MYO7B: variants seen among roughly 807,000 people sequenced by gnomAD.
The protein encoded by MYO7B is myosin VIIB, also known as unconventional myosin-VIIb.
A neutral mutation model predicts 259.7 loss-of-function variants in MYO7B; 212 were observed. The observed-to-expected ratio is 0.82, with a 90% CI of 0.73 to 0.91. The LOEUF (loss-of-function observed/expected upper bound fraction) is 0.91. Among genes scored for constraint, MYO7B ranks in the 40% least tolerant of loss-of-function variants. MYO7B has a pLI of 0.00. For synonymous variants in MYO7B, 1,197 were observed against 1,166.4 expected (o/e 1.03, Z -0.54); for missense variants, 2,732 against 2,813.5 (o/e 0.97, Z 0.66).
intron 21 of MYO7B, 24 bp from the exon 22 acceptor site, chr2:127,608,684 A>G (rs777327277): frequency 1.9e-6 from 3 of 1,597,780 alleles, no homozygotes; most frequent in East Asian, 2.2e-5. Context: ...GCCCCTGGGT[A>G]ACCTTCCTCC....
Position 127,584,260 on chromosome 2 carries a change from C to T in MYO7B, c.1482C>T (p.Pro494=), listed in dbSNP as rs537631327. 209 of 1,614,034 alleles carry T rather than the reference C, an allele frequency of 1.3e-4. 3 individuals carry two copies. In the South Asian group the frequency reaches 2.2e-3, roughly 17 times the overall value. Residue 494 remains proline (P), a synonymous_variant, in exon 13 of 48, where the codon CCC becomes CCT. Coordinates refer to ENST00000409816, the MANE Select transcript of MYO7B (RefSeq NM_001393586.1). The surrounding 1 kb of genome is among the most constrained non-coding windows in gnomAD (Gnocchi z 5.8). The part of the protein sequence containing the change: ...WDYIHYTDNR[P]TLDLLALKPM... ...ATATCCACTACACCGACAATCGGCC[C>T]ACCCTGGACCTGCTGGCCCTCAAGC...
intron 21 of MYO7B, 58 bp from the exon 22 acceptor site, chr2:127,608,650 G>T: frequency 6.4e-7 from 1 of 1,551,882 alleles, no homozygotes; most frequent in Non-Finnish European, 8.7e-7. Context: ...GGTAGGCAGG[G>T]CTGGGCCCCC....
intron 40 of MYO7B, among the ~76,000 whole-genome samples, chr2:127,633,587 G>A (rs370565367): frequency 3.3e-5 from 5 of 152,174 alleles, no homozygotes; most frequent in African/African-American, 1.2e-4. Flanking sequence ...GGGGATCCAG[G>A]CCCAGGACAC....
At position 127,581,820 on chromosome 2, in the gene MYO7B, C is replaced by T. The variant is rs1679112089; in HGVS notation, c.1081-71C>T. ...GGTCACGAGAGGGAACAAGACTTGG[C>T]AGAAGCAGGTCAGAGTGCTGGGCCA... On this transcript the variant is annotated intron_variant, in intron 10 of 47. Coordinates refer to ENST00000409816, the MANE Select transcript of MYO7B (RefSeq NM_001393586.1). 6.3e-6 allele frequency: 10 copies of T among 1,596,320 alleles called. No individual in the cohort carries two copies. In the South Asian group the frequency reaches 1.0e-4, roughly 16 times the overall value.
chr2:127,636,040 C>G lies in MYO7B; in HGVS notation c.6006+133C>G. The stretch of plus-strand genomic sequence containing the variant: ...TGGTGTGGAGGGTGGGCTGGCTCTG[C>G]ACACACCACGCCTTCCTATGCCATC... On this transcript the variant is annotated intron_variant, in intron 44 of 47. Coordinates refer to ENST00000409816, the MANE Select transcript of MYO7B (RefSeq NM_001393586.1). The surrounding 1 kb of genome is among the most constrained non-coding windows in gnomAD (Gnocchi z 4.5). The G allele has an allele frequency of 8.4e-7, 1 of 1,185,528 alleles. No individual in the cohort carries two copies. The highest frequency in any genetic ancestry group is 1.2e-6 in the Non-Finnish European group (1 of 845,698). 73.4% of individuals were successfully genotyped at this position (1,185,528 alleles called of 1,614,324 possible).
chr2:127,611,472 T>C lies in MYO7B; in HGVS notation c.3193-778T>C, dbSNP rs1055524585. ...CAGATCTCAGGTTTTCTGTCCTGCA[T>C]GTGTTTATTAAATATCCATGACGTG... On this transcript the variant is annotated intron_variant, in intron 24 of 47. Coordinates refer to ENST00000409816, the MANE Select transcript of MYO7B (RefSeq NM_001393586.1). This position sits in a 1 kb window ranked among gnomAD's most constrained non-coding sequence, Gnocchi z 5.4. Among the ~76,000 whole-genome samples, 3 of 152,154 alleles carry C rather than the reference T, an allele frequency of 2.0e-5. No individual in the cohort carries two copies. Among genetic ancestry groups the C allele is most frequent in the African/African-American group, 7.2e-5 (3 of 41,442 alleles).
chr2:127,593,713 G>A (rs1211921715), intron 18 of MYO7B, 69 bp downstream of exon 18: 6 of 1,428,136 alleles, frequency 4.2e-6, no homozygotes, highest in Non-Finnish European at 3.9e-6. Context: ...TCTTGCACCA[G>A]GCCCGGGGTC....
chr2:127,592,194 G>A (rs531180902), intron 16 of MYO7B, among the ~76,000 whole-genome samples: 1 of 152,278 alleles, frequency 6.6e-6, no homozygotes, highest in South Asian at 2.1e-4. Context: ...AGGAGTTGGA[G>A]ACCAGCCTGG....
intron 5 of MYO7B, among the ~76,000 whole-genome samples, chr2:127,568,634 C>T (rs1472813209): frequency 6.6e-6 from 1 of 152,160 alleles, no homozygotes; most frequent in African/African-American, 2.4e-5. Flanking sequence ...CGGTAGCTCA[C>T]GCTTGTAATC....
At position 127,615,661 on chromosome 2, in the gene MYO7B, C is replaced by T. The variant is rs1405683094; in HGVS notation, c.3398+3058C>T. Among the ~76,000 whole-genome samples the T allele has an allele frequency of 2.0e-5, 3 of 151,918 alleles. No individual in the cohort carries two copies. The highest frequency in any genetic ancestry group is 2.1e-4 in the South Asian group (1 of 4,810). ...CAGCATTCCTTCTGGGCGGTAGACG[C>T]GGTTTGTCAGTTGGCCAACATTCTG... On this transcript the variant is annotated intron_variant, in intron 26 of 47. Coordinates refer to ENST00000409816, the MANE Select transcript of MYO7B (RefSeq NM_001393586.1). The surrounding 1 kb of genome is among the most constrained non-coding windows in gnomAD (Gnocchi z 4.4).
chr2:127,623,579 G>A (rs10174611), intron 29 of MYO7B, among the ~76,000 whole-genome samples: 50,438 of 151,948 alleles, frequency 0.33, 8,833 homozygotes, highest in South Asian at 0.55. Flanking sequence ...GCACTCATAT[G>A]GTCACCTTGC....
chr2:127,621,346 C>T (rs1445916377), intron 27 of MYO7B, among the ~76,000 whole-genome samples: 2 of 151,162 alleles, frequency 1.3e-5, no homozygotes, highest in African/African-American at 4.9e-5. Flanking sequence ...TCACTGCATC[C>T]TCTGCCTCCC....
At chr2:127,587,243 G>A (rs1679337992) in intron 14 of MYO7B, among the ~76,000 whole-genome samples, 1 of 152,202 alleles carries the variant, frequency 6.6e-6, no homozygotes, top group Non-Finnish European at 1.5e-5. Flanking sequence ...CCTTCTCAGT[G>A]TGGTTCTGTC....
In MYO7B at chr2:127,635,126, C is replaced by T. The variant is rs1376318947; in HGVS notation, c.5720C>T (p.Pro1907Leu). The change falls in exon 43 of 48, where the codon CCC (proline) becomes CTC (leucine). Residue 1907 changes from proline (P) to leucine (L), a missense_variant. By Grantham distance (98) the Pro-to-Leu change is moderately conservative. This residue lies in a region of MYO7B where 821 missense variants were observed against 769.3 expected (regional missense o/e 1.07). Coordinates refer to ENST00000409816, the MANE Select transcript of MYO7B (RefSeq NM_001393586.1). ...ACTGCTGGCCCTCGCCCAGGGGCCC[C>T]CGTGACGCTCCCCTACCAGGTGTAC... Reference protein sequence around the residue: ...KKNKPQKEGAPVTLPYQVYFM... With the variant: ...KKNKPQKEGALVTLPYQVYFM... 7 of 1,612,140 alleles carry T rather than the reference C, an allele frequency of 4.3e-6. No individual in the cohort carries two copies. Among genetic ancestry groups the T allele is most frequent in the Non-Finnish European group, 5.9e-6 (7 of 1,179,288 alleles).
chr2:127,555,411 G>A (rs977111926), intron 1 of MYO7B, among the ~76,000 whole-genome samples: 1 of 151,982 alleles, frequency 6.6e-6, no homozygotes, highest in Non-Finnish European at 1.5e-5. Context: ...TCTGATCTTG[G>A]TTATTTCCTT....
At chr2:127,588,916 G>C (rs1573659611) in intron 15 of MYO7B, among the ~76,000 whole-genome samples, 3 of 150,030 alleles carry the variant, frequency 2.0e-5, no homozygotes, top group African/African-American at 7.4e-5. Flanking sequence ...TGGATGGATG[G>C]GTGAGTGGAT....
chr2:127,559,594 C>A lies in MYO7B; in HGVS notation c.-23-106C>A. 1 of 1,006,290 alleles carries A rather than the reference C, an allele frequency of 9.9e-7. No individual in the cohort carries two copies. The highest frequency in any genetic ancestry group is 1.6e-6 in the Non-Finnish European group (1 of 634,004). 62.3% of individuals were successfully genotyped at this position (1,006,290 alleles called of 1,614,324 possible). A position where few individuals can be genotyped will look rare whatever the true frequency, so the allele number is the denominator to read the frequency against. ...CATTGTTTTTGAGCCAGGTCCCATG[C>A]CGGGCACTTAGGGAAGTGTTGGTGA... On this transcript the variant is annotated intron_variant, in intron 1 of 47. Coordinates refer to ENST00000409816, the MANE Select transcript of MYO7B (RefSeq NM_001393586.1). The surrounding 1 kb of genome is among the most constrained non-coding windows in gnomAD (Gnocchi z 4.1).
At chr2:127,622,268 G>T (rs1680875685) in intron 28 of MYO7B, among the ~76,000 whole-genome samples, 167 bp downstream of exon 28, 1 of 152,110 alleles carries the variant, frequency 6.6e-6, no homozygotes, top group Non-Finnish European at 1.5e-5. Flanking sequence ...GAGTGCCCCT[G>T]GGGCTCGGCC....
chr2:127,597,427 C>G lies in MYO7B; in HGVS notation c.2339+871C>G, dbSNP rs954015995. ...CTTCTGCGGCCTTGTTTAGCCACGCCCCCTCCCTCACACCTGCCCCCAGTG... is the reference window on the plus strand; with the variant it reads ...CTTCTGCGGCCTTGTTTAGCCACGCGCCCTCCCTCACACCTGCCCCCAGTG... On this transcript the variant is annotated intron_variant, in intron 19 of 47. Transcript: ENST00000409816. The surrounding 1 kb of genome is among the most constrained non-coding windows in gnomAD (Gnocchi z 4.8). Among the ~76,000 whole-genome samples, 1 of 152,038 alleles carries G rather than the reference C, an allele frequency of 6.6e-6. No homozygotes were observed. The highest frequency in any genetic ancestry group is 2.4e-5 in the African/African-American group (1 of 41,384).
Sources: allele counts gnomAD v4.1 joint callset (sites outside exome capture counted in the v4.1 genomes callset), GRCh38; gene constraint gnomAD v4.1.1; regional missense constraint gnomAD v4.1.1; non-coding constraint Gnocchi (gnomAD v3.1); transcripts MANE v1.5; gene names NCBI Gene and HGNC (gene_info 2026-07-23, HGNC 2026-07-21).